The following NOS1 variants were observed in gnomAD, a reference collection of about 807,000 sequenced individuals.
The protein encoded by NOS1 is nitric oxide synthase 1.
NOS1 carries 51 observed loss-of-function variants against 164.5 expected under a neutral mutation model. The ratio of observed to expected loss-of-function variants is 0.31; its 90% CI spans 0.25 to 0.39. The LOEUF is 0.39. Ranked by LOEUF, NOS1 falls within the 10% of genes least tolerant of loss-of-function variation. The probability of loss-of-function intolerance (pLI) is 1.00; values close to 1 mark genes in which losing one functional copy is unlikely to be tolerated. For synonymous variants in NOS1, 719 were observed against 745.8 expected (o/e 0.96, Z 0.59); for missense variants, 1,362 against 1,885.6 (o/e 0.72, Z 5.14).
chr12:117,316,496 G>A (rs909227923), intron 2 of NOS1, among the ~76,000 whole-genome samples: 5 of 152,076 alleles, frequency 3.3e-5, no homozygotes, highest in South Asian at 2.1e-4. Context: ...CAGCCTTGAC[G>A]GCCCACTTCA....
At chr12:117,319,202 C>T (rs1160391078) in intron 2 of NOS1, among the ~76,000 whole-genome samples, 2 of 151,330 alleles carry the variant, frequency 1.3e-5, no homozygotes, top group Admixed American at 1.3e-4. Context: ...TAGGCATGCA[C>T]CACCATCCCT....
chr12:117,224,810 C>G (rs1299539628), intron 25 of NOS1, among the ~76,000 whole-genome samples: 1 of 152,162 alleles, frequency 6.6e-6, no homozygotes, highest in Non-Finnish European at 1.5e-5. Context: ...GTCCTCTGGG[C>G]CTGGAATTTC....
At chr12:117,327,414 T>C (rs746625414) in intron 2 of NOS1, among the ~76,000 whole-genome samples, 46 of 152,320 alleles carry the variant, frequency 3.0e-4, no homozygotes, top group Non-Finnish European at 4.4e-4. Context: ...TTTAACTCTA[T>C]GGCATGAGCT....
intron 1 of NOS1, among the ~76,000 whole-genome samples, chr12:117,354,468 A>G (rs979864637): frequency 2.0e-5 from 3 of 151,836 alleles, no homozygotes; most frequent in African/African-American, 7.3e-5. Flanking sequence ...GCACATGAAC[A>G]TAACTGGCTT....
At position 117,213,592 on chromosome 12, in the gene NOS1, C is replaced by A. The variant is rs1487459480; in HGVS notation, c.*1717G>T. The A allele has an allele frequency of 2.0e-6, 2 of 985,318 alleles. No individual in the cohort carries two copies. The highest frequency in any genetic ancestry group is 2.4e-6 in the Non-Finnish European group (2 of 829,962). 61.0% of individuals were successfully genotyped at this position (985,318 alleles called of 1,614,324 possible). A position where few individuals can be genotyped will look rare whatever the true frequency, so the allele number is the denominator to read the frequency against. On this transcript the variant is annotated 3_prime_UTR_variant, in exon 29 of 29. Coordinates refer to ENST00000317775, the MANE Select transcript of NOS1 (RefSeq NM_000620.5). Reference sequence around the variant, plus strand: ...TGGGCCCTTTGGGGTCTTGGTGCCCCCACTGTAAAGCCCTTTCAAAGAGGG... The same window carrying A: ...TGGGCCCTTTGGGGTCTTGGTGCCCACACTGTAAAGCCCTTTCAAAGAGGG...
At chr12:117,273,741 G>C (rs1872958856) in intron 9 of NOS1, among the ~76,000 whole-genome samples, 1 of 152,100 alleles carries the variant, frequency 6.6e-6, no homozygotes, top group African/African-American at 2.4e-5. Context: ...CCCTACACTT[G>C]TATGACACCT....
At chr12:117,344,700 C>T (rs986413939) in intron 1 of NOS1, among the ~76,000 whole-genome samples, 1 of 152,140 alleles carries the variant, frequency 6.6e-6, no homozygotes, top group Non-Finnish European at 1.5e-5. Context: ...TTTTCTACTC[C>T]AATTCACAAT....
At chr12:117,302,216 T>C (rs2079489038) in intron 3 of NOS1, 4 of 399,724 alleles carry the variant, frequency 1.0e-5, no homozygotes, top group Non-Finnish European at 2.0e-5. Context: ...CATTATCTCA[T>C]ACATTATCTC....
At chr12:117,232,868 T>TTTTA (rs1869366561) in intron 21 of NOS1, among the ~76,000 whole-genome samples, 1 of 151,870 alleles carries the variant, frequency 6.6e-6, no homozygotes, top group Non-Finnish European at 1.5e-5. Flanking sequence ...TTTATTTTTA[T>TTTTA]TTTATTTATT....
At chr12:117,336,635 T>G (rs376509776) in intron 1 of NOS1, among the ~76,000 whole-genome samples, 21 of 151,914 alleles carry the variant, frequency 1.4e-4, no homozygotes, top group Admixed American at 3.3e-4. Context: ...AAAAACCTAT[T>G]GAAATAAAAA....
rs530688058 is a variant in NOS1 at position 117,211,589 on chromosome 12, C to T, written c.*3720G>A. 3 of 985,612 alleles carry T rather than the reference C, an allele frequency of 3.0e-6. No homozygotes were observed. The South Asian group carries it at 1.4e-4, about 46-fold the overall frequency. 61.1% of individuals were successfully genotyped at this position (985,612 alleles called of 1,614,324 possible). Reference sequence around the variant, plus strand: ...TCTGGTCCCAGCCCACCTTTTCTCACCCTCCTCAGCCTTCCAAAGCCAGCC... The same window carrying T: ...TCTGGTCCCAGCCCACCTTTTCTCATCCTCCTCAGCCTTCCAAAGCCAGCC... On this transcript the variant is annotated 3_prime_UTR_variant, in exon 29 of 29. Coordinates refer to ENST00000317775, the MANE Select transcript of NOS1 (RefSeq NM_000620.5).
In NOS1 at chr12:117,209,367, T is replaced by C; in HGVS notation, c.*5942A>G. ...CCAAGACGGCCCCCACAAGAAAGAA[T>C]TACCCAGCCCCAAATGCCAATAGTG... On this transcript the variant is annotated 3_prime_UTR_variant, in exon 29 of 29. Coordinates refer to ENST00000317775, the MANE Select transcript of NOS1 (RefSeq NM_000620.5). 1 of 983,094 alleles carries C rather than the reference T, an allele frequency of 1.0e-6. No homozygotes were observed. The highest frequency in any genetic ancestry group is 1.2e-6 in the Non-Finnish European group (1 of 827,794). The allele number at this position is 983,094 out of a possible 1,614,324, so 60.9% of individuals were successfully genotyped here. A position where few individuals can be genotyped will look rare whatever the true frequency, so the allele number is the denominator to read the frequency against.
intron 12 of NOS1, 75 bp downstream of exon 12, chr12:117,265,241 G>A: frequency 7.4e-7 from 1 of 1,359,522 alleles, no homozygotes; most frequent in Admixed American, 2.8e-5. Context: ...AGCCTGGGTT[G>A]AAATGAGCCT....
At position 117,210,263 on chromosome 12, in the gene NOS1, C is replaced by G. The variant is rs1296318685; in HGVS notation, c.*5046G>C. The G allele has an allele frequency of 1.0e-6, 1 of 981,298 alleles. No individual in the cohort carries two copies. The allele number at this position is 981,298 out of a possible 1,614,324, so 60.8% of individuals were successfully genotyped here. ...CCCAAAGTGCTATTACAGGCATGAA[C>G]CACCATGCCTGGCCTACTTTTTGAG... On this transcript the variant is annotated 3_prime_UTR_variant, in exon 29 of 29. Transcript: ENST00000317775.
At chr12:117,351,208 G>A (rs923615071) in intron 1 of NOS1, among the ~76,000 whole-genome samples, 2 of 152,160 alleles carry the variant, frequency 1.3e-5, no homozygotes, top group African/African-American at 4.8e-5. Flanking sequence ...GGGAGAAGCC[G>A]AGAAGCCAGG....
At chr12:117,305,526 G>T (rs1874097350) in intron 3 of NOS1, among the ~76,000 whole-genome samples, 1 of 151,780 alleles carries the variant, frequency 6.6e-6, no homozygotes, top group Non-Finnish European at 1.5e-5. Context: ...AGCAGGTAGA[G>T]GCGAGGTTAG....
intron 3 of NOS1, among the ~76,000 whole-genome samples, chr12:117,304,176 A>C (rs377546228): frequency 3.3e-5 from 5 of 152,248 alleles, no homozygotes; most frequent in African/African-American, 1.2e-4. Flanking sequence ...CATCTCAAAA[A>C]AAAAACCACA....
intron 12 of NOS1, among the ~76,000 whole-genome samples, chr12:117,264,364 C>G (rs569918629): frequency 1.3e-5 from 2 of 152,144 alleles, no homozygotes; most frequent in Non-Finnish European, 2.9e-5. Flanking sequence ...CCTTGACCTC[C>G]CTAGCTCAAG....
Position 117,255,839 on chromosome 12 carries a change from C to T in NOS1, c.2532-2085G>A, listed in dbSNP as rs1871395904. 4.5e-6 allele frequency: 3 copies of T among 662,178 alleles called. No individual in the cohort carries two copies. In the Admixed American group the frequency reaches 1.1e-4, roughly 25 times the overall value. 41.0% of individuals were successfully genotyped at this position (662,178 alleles called of 1,614,324 possible). On this transcript the variant is annotated intron_variant, in intron 16 of 28. Coordinates refer to ENST00000317775, the MANE Select transcript of NOS1 (RefSeq NM_000620.5). ...ACACAGCTCAGGTTAGAACTCGGAT[C>T]TCCTTGAGACCTAGATGTGTGGCCT...
Sources: allele counts gnomAD v4.1 joint callset (sites outside exome capture counted in the v4.1 genomes callset), GRCh38; gene constraint gnomAD v4.1.1; transcripts MANE v1.5; gene names NCBI Gene and HGNC (gene_info 2026-07-23, HGNC 2026-07-21).